IKZF3: variants seen among roughly 807,000 people sequenced by gnomAD.
IKZF3 encodes zinc finger protein Aiolos.
IKZF3 carries 10 observed loss-of-function variants against 49.0 expected under a neutral mutation model. The ratio of observed to expected loss-of-function variants is 0.20; its 90% confidence interval spans 0.13 to 0.35. IKZF3 has a LOEUF of 0.35. IKZF3 is among the 10% of genes least tolerant of loss of function. IKZF3 has a pLI of 1.00. For synonymous variants in IKZF3, 209 were observed against 228.2 expected, an observed-to-expected ratio of 0.92 and a Z score of 0.76; for missense variants, 498 against 664.8, an observed-to-expected ratio of 0.75 and a Z score of 2.76.
At chr17:39,811,267 A>G (rs1365723903) in intron 3 of IKZF3, among the ~76,000 whole-genome samples, 1 of 151,692 alleles carries the variant, frequency 6.6e-6, no homozygotes, top group Non-Finnish European at 1.5e-5. Flanking sequence ...GGAGAGAAAG[A>G]AAAAGAGGGA....
intron 4 of IKZF3, 94 bp downstream of exon 4, chr17:39,792,579 G>A: frequency 1.5e-6 from 2 of 1,325,882 alleles, no homozygotes. Context: ...AAAAATCAAT[G>A]AAAGTAACCA....
At chr17:39,786,790 T>G (rs2060885975) in intron 6 of IKZF3, among the ~76,000 whole-genome samples, 1 of 152,064 alleles carries the variant, frequency 6.6e-6, no homozygotes, top group African/African-American at 2.4e-5. Flanking sequence ...TAAACATTTC[T>G]TTTTATTTGG....
At chr17:39,824,032 C>G (rs1021933932) in intron 3 of IKZF3, among the ~76,000 whole-genome samples, 2 of 152,118 alleles carry the variant, frequency 1.3e-5, no homozygotes, top group African/African-American at 4.8e-5. Context: ...GTGTCGTGCA[C>G]CTGGAAAAGC....
Position 39,849,298 on chromosome 17 carries a change from T to A in IKZF3, c.7+14822A>T, listed in dbSNP as rs147945333. ...AAACAATACAAAAATTAGCCAGGTG[T>A]GATAGCACCTGGAAAAAAAAAAAAA... is the stretch of plus-strand genomic sequence containing the variant. On this transcript the variant is annotated intron_variant, in intron 1 of 7. Coordinates refer to ENST00000346872, the MANE Select transcript of IKZF3 (RefSeq NM_012481.5). Among the ~76,000 whole-genome samples the A allele has an allele frequency of 3.6e-4, 40 of 111,564 alleles. No homozygotes were observed. In the East Asian group the frequency reaches 9.6e-3, roughly 27 times the overall value. The allele number at this position is 111,564 out of a possible 152,430, so 73.2% of individuals were successfully genotyped here. A position where few individuals can be genotyped will look rare whatever the true frequency, so the allele number is the denominator to read the frequency against.
chr17:39,821,674 G>C (rs2061813670), intron 3 of IKZF3, among the ~76,000 whole-genome samples: 1 of 152,048 alleles, frequency 6.6e-6, no homozygotes, highest in Admixed American at 6.6e-5. Context: ...TCAGATTCTG[G>C]TGGGCCTGAA....
At chr17:39,772,082 G>T (rs950918470) in intron 7 of IKZF3, among the ~76,000 whole-genome samples, 1 of 152,094 alleles carries the variant, frequency 6.6e-6, no homozygotes, top group Non-Finnish European at 1.5e-5. Context: ...TGTGAGGGAG[G>T]CCATTCAGAC....
rs570109413 is a variant in IKZF3 at position 39,797,159 on chromosome 17, C to T, written c.164-4226G>A. On this transcript the variant is annotated intron_variant, in intron 3 of 7. Coordinates refer to ENST00000346872, the MANE Select transcript of IKZF3 (RefSeq NM_012481.5). ...CAGCTTGGGTGACAAAGTGAGACTC[C>T]GTCTCAAGAAAAAAAAAAAAAGACA... Among the ~76,000 whole-genome samples the T allele has an allele frequency of 8.1e-5, 12 of 148,768 alleles. 1 individual carries two copies. The highest frequency in any genetic ancestry group is 6.9e-3 in the Middle Eastern group (2 of 290).
At position 39,788,421 on chromosome 17, in the gene IKZF3, C is replaced by T. The variant is rs763129016; in HGVS notation, c.593-47G>A. The T allele has an allele frequency of 1.1e-5, 14 of 1,233,960 alleles. 1 individual carries two copies. The South Asian group carries it at 1.3e-4, about 12-fold the overall frequency. The allele number at this position is 1,233,960 out of a possible 1,614,324, so 76.4% of individuals were successfully genotyped here. ...CACTCAGTGACCCTCAGGGGTTCCA[C>T]ACAGGTCAGGTATTGGGGCTCTGTG... On this transcript the variant is annotated intron_variant, in intron 5 of 7. Transcript: ENST00000346872.
At chr17:39,809,078 C>T (rs940066304) in intron 3 of IKZF3, among the ~76,000 whole-genome samples, 2 of 152,166 alleles carry the variant, frequency 1.3e-5, no homozygotes, top group Non-Finnish European at 2.9e-5. Context: ...CACATCTTGT[C>T]AATGTCTTTA....
chr17:39,853,552 C>G (rs2062944799), intron 1 of IKZF3, among the ~76,000 whole-genome samples: 1 of 152,056 alleles, frequency 6.6e-6, no homozygotes, highest in African/African-American at 2.4e-5. Flanking sequence ...AAAAAAATAA[C>G]AGGCCAGGAG....
At chr17:39,788,229 C>T (rs35088469) in intron 6 of IKZF3, 29 bp downstream of exon 6, 46,773 of 1,344,552 alleles carry the variant, frequency 0.035, 1,154 homozygotes, top group African/African-American at 0.12. Flanking sequence ...ACAGCAGATG[C>T]TCACTAAACG....
intron 3 of IKZF3, among the ~76,000 whole-genome samples, chr17:39,797,260 C>A (rs1215753307): frequency 6.6e-6 from 1 of 152,052 alleles, no homozygotes; most frequent in Non-Finnish European, 1.5e-5. Context: ...TCCGCCTCCA[C>A]AATTCACTTA....
At position 39,864,052 on chromosome 17, in the gene IKZF3, C is replaced by T. The variant is rs9916301; in HGVS notation, c.7+68G>A. 8.4e-4 allele frequency: 1,337 copies of T among 1,591,462 alleles called. 10 individuals are homozygous for T. In the African/African-American group the frequency reaches 0.016, roughly 19 times the overall value. On this transcript the variant is annotated intron_variant, in intron 1 of 7. Coordinates refer to ENST00000346872, the MANE Select transcript of IKZF3 (RefSeq NM_012481.5). ...GCAAAACTGAGATTCAGAAGAAACTCTTTCTACTGCTTGCACAGGTTAAGT... is the reference window on the plus strand; with the variant it reads ...GCAAAACTGAGATTCAGAAGAAACTTTTTCTACTGCTTGCACAGGTTAAGT...
At chr17:39,786,733 A>G (rs2060884399) in intron 6 of IKZF3, among the ~76,000 whole-genome samples, 1 of 152,152 alleles carries the variant, frequency 6.6e-6, no homozygotes, top group South Asian at 2.1e-4. Flanking sequence ...AGCTAGGACT[A>G]CAGGTGTGTA....
chr17:39,826,486 A>C (rs1027626370), intron 3 of IKZF3, among the ~76,000 whole-genome samples: 14 of 152,240 alleles, frequency 9.2e-5, no homozygotes, highest in African/African-American at 3.4e-4. Context: ...ACAGTGATAC[A>C]TGCCCATATG....
Position 39,851,218 on chromosome 17 carries a change from G to C in IKZF3, c.7+12902C>G, listed in dbSNP as rs552325497. 4.0e-5 allele frequency among the ~76,000 whole-genome samples: 6 copies of C among 151,644 alleles called. No individual in the cohort carries two copies. In the South Asian group the frequency reaches 1.3e-3, roughly 32 times the overall value. On this transcript the variant is annotated intron_variant, in intron 1 of 7. Transcript: ENST00000346872. ...TTTTTGTACTTTTTCTTGTAGAGAT[G>C]GGGTTTCACCATGTTGCTCAGGGTG...
In IKZF3 at chr17:39,829,468, C is replaced by T. The variant is rs746669742; in HGVS notation, c.82G>A (p.Asp28Asn). ...TCATGAGATTTGGTTAAACTGTAGT[C>T]ATTCAAAACCGCTGCACTTTCTAAA... ...VPAESAAVLN[D>N]YSLTKSHEME... Residue 28 changes from aspartate to asparagine, a missense_variant, in exon 3 of 8, where the codon GAC (aspartate) becomes AAC (asparagine). By Grantham distance (23) the Asp-to-Asn change is conservative. Transcript: ENST00000346872. 3 of 1,613,442 alleles carry T rather than the reference C, an allele frequency of 1.9e-6. No individual in the cohort carries two copies. The highest frequency in any genetic ancestry group is 2.2e-5 in the South Asian group (2 of 91,044).
chr17:39,771,920 T>G (rs2060454186), intron 7 of IKZF3, among the ~76,000 whole-genome samples: 1 of 151,862 alleles, frequency 6.6e-6, no homozygotes, highest in African/African-American at 2.4e-5. Flanking sequence ...TTTGATTTTT[T>G]TTTTTTTTTC....
At chr17:39,824,752 G>C (rs1258908035) in intron 3 of IKZF3, among the ~76,000 whole-genome samples, 3 of 151,388 alleles carry the variant, frequency 2.0e-5, no homozygotes, top group Non-Finnish European at 4.4e-5. Flanking sequence ...CTGGAGTGCA[G>C]TGGCGTGATC....
Sources: allele counts gnomAD v4.1 joint callset (sites outside exome capture counted in the v4.1 genomes callset), GRCh38; gene constraint gnomAD v4.1.1; transcripts MANE v1.5; gene names NCBI Gene and HGNC (gene_info 2026-07-23, HGNC 2026-07-21).